Variants in AATK observed in about 807,000 individuals in gnomAD.
The protein encoded by AATK is lemur tail kinase 1.
AATK carries 91 observed loss-of-function variants against 114.3 expected under a neutral mutation model. That is an observed-to-expected ratio of 0.80 (90% CI 0.67 to 0.95). The LOEUF (loss-of-function observed/expected upper bound fraction) is 0.95, where lower values mean the gene tolerates loss of function less well. Among genes scored for constraint, AATK ranks in the 40% least tolerant of loss-of-function variants. The pLI is 0.00. For synonymous variants in AATK, 1,075 were observed against 916.5 expected (o/e 1.17, Z -3.12); for missense variants, 2,176 against 1,965.2 (o/e 1.11, Z -2.03).
Position 81,120,011 on chromosome 17 carries a change from T to TC in AATK, c.3807dup (p.Ser1270GlufsTer15). 1 of 1,446,388 alleles carries TC rather than the reference T, an allele frequency of 6.9e-7. No individual in the cohort carries two copies. Among genetic ancestry groups the TC allele is most frequent in the Non-Finnish European group, 9.1e-7 (1 of 1,099,312 alleles). The allele number at this position is 1,446,388 out of a possible 1,614,324, so 89.6% of individuals were successfully genotyped here. A position where few individuals can be genotyped will look rare whatever the true frequency, so the allele number is the denominator to read the frequency against. ...TTGGGGGCGCTGGGAGAGCCGGGGC[T>TC]CCCCCTAAGGAACGTAGGGGGCGAT... On this transcript the variant is annotated frameshift_variant, in exon 12 of 14. Coordinates refer to ENST00000326724, the MANE Select transcript of AATK (RefSeq NM_001080395.3). LOFTEE classifies it high-confidence loss of function.
Position 81,122,240 on chromosome 17 carries a change from C to G in AATK, c.1696G>C (p.Gly566Arg). 3 of 1,492,402 alleles carry G rather than the reference C, an allele frequency of 2.0e-6. No individual in the cohort carries two copies. The highest frequency in any genetic ancestry group is 2.5e-5 in the South Asian group (2 of 79,128). 92.4% of individuals were successfully genotyped at this position (1,492,402 alleles called of 1,614,324 possible). ...ATADQDDDSD[G>R]STAASLAMEP... Reference sequence around the variant, plus strand: ...ATGGCCAGCGAGGCGGCGGTGCTGCCGTCAGAGTCGTCGTCCTGGTCCGCG... The same window carrying G: ...ATGGCCAGCGAGGCGGCGGTGCTGCGGTCAGAGTCGTCGTCCTGGTCCGCG... The change falls in exon 11 of 14, where the codon GGC becomes CGC. Residue 566 changes from glycine to arginine, a missense_variant. Physicochemically the swap from Gly to Arg is moderately radical, Grantham distance 125. This residue lies in a region of AATK where 1,701 missense variants were observed against 1,394.7 expected (regional missense o/e 1.22). Transcript: ENST00000326724.
In AATK at chr17:81,121,225, T is replaced by C; in HGVS notation, c.2711A>G (p.Asp904Gly). The stretch of plus-strand genomic sequence containing the variant: ...GGCTGAGGACGGGATGTCCAGGGAG[T>C]CCAGGGAGTCGGGGGTCCCCACCTG... Reference protein sequence around the residue: ...QKQVGTPDSLDSLDIPSSASD... With the variant: ...QKQVGTPDSLGSLDIPSSASD... Residue 904 changes from aspartate (D) to glycine (G), a missense_variant, in exon 11 of 14, where the codon GAC becomes GGC. This residue lies in a region of AATK where 1,701 missense variants were observed against 1,394.7 expected (regional missense o/e 1.22). Transcript: ENST00000326724. The C allele has an allele frequency of 6.2e-7, 1 of 1,605,566 alleles. No individual in the cohort carries two copies. Among genetic ancestry groups the C allele is most frequent in the Non-Finnish European group, 8.5e-7 (1 of 1,176,614 alleles).
rs765906957 is a variant in AATK at position 81,121,058 on chromosome 17, G to A, written c.2878C>T (p.Pro960Ser). Residue 960 changes from proline to serine, a missense_variant, in exon 11 of 14, where the codon CCC becomes TCC. Around this residue, in one of 4 missense-constraint regions of AATK, gnomAD observed 1,701 missense variants for 1,394.7 expected, o/e 1.22. Coordinates refer to ENST00000326724, the MANE Select transcript of AATK (RefSeq NM_001080395.3). ...VLKEAQEGCE[P>S]QAFAELASEG... Reference sequence around the variant, plus strand: ...GAGGCCAGCTCCGCAAAGGCCTGGGGCTCACACCCTTCCTGCGCCTCCTTG... The same window carrying A: ...GAGGCCAGCTCCGCAAAGGCCTGGGACTCACACCCTTCCTGCGCCTCCTTG... 18 of 1,608,552 alleles carry A rather than the reference G, an allele frequency of 1.1e-5. No homozygotes were observed. The highest frequency in any genetic ancestry group is 2.2e-5 in the South Asian group (2 of 90,238).
rs1193881813 is a variant in AATK at position 81,122,080 on chromosome 17, A to G, written c.1856T>C (p.Leu619Pro). The G allele has an allele frequency of 9.5e-6, 15 of 1,584,428 alleles. No homozygotes were observed. Among genetic ancestry groups the G allele is most frequent in the Non-Finnish European group, 1.3e-5 (15 of 1,172,490 alleles). ...SPSPSAGPLSLAEGGAEDADW... is the reference protein window; with the variant it reads ...SPSPSAGPLSPAEGGAEDADW... Reference sequence around the variant, plus strand: ...TGCATCCTCCGCTCCTCCCTCCGCCAGACTCAGGGGCCCCGCCGAGGGCGA... The same window carrying G: ...TGCATCCTCCGCTCCTCCCTCCGCCGGACTCAGGGGCCCCGCCGAGGGCGA... The change falls in exon 11 of 14, where the codon CTG (leucine) becomes CCG (proline). Residue 619 changes from leucine (L) to proline (P), a missense_variant. Transcript: ENST00000326724.
chr17:81,148,211 G>A (rs1198799882), intron 1 of AATK, among the ~76,000 whole-genome samples: 2 of 152,136 alleles, frequency 1.3e-5, no homozygotes, highest in Admixed American at 1.3e-4. Flanking sequence ...ACTGCATTTA[G>A]AATCAGACGA....
At chr17:81,147,092 G>T (rs1009407397) in intron 1 of AATK, among the ~76,000 whole-genome samples, 27 of 151,622 alleles carry the variant, frequency 1.8e-4, no homozygotes, top group Non-Finnish European at 2.8e-4. Context: ...GCCAGGCCTG[G>T]TGGCTCCCGC....
intron 1 of AATK, among the ~76,000 whole-genome samples, chr17:81,163,840 G>A (rs1294974967): frequency 2.0e-5 from 3 of 152,230 alleles, no homozygotes; most frequent in African/African-American, 4.8e-5. Flanking sequence ...ACAAGGAGCC[G>A]GCCCGGCAGC....
In AATK at chr17:81,122,084, T is replaced by G. The variant is rs774288766; in HGVS notation, c.1852A>C (p.Ser618Arg). The G allele has an allele frequency of 7.0e-6, 11 of 1,580,976 alleles. No individual in the cohort carries two copies. The East Asian group carries it at 2.5e-4, about 36-fold the overall frequency. The change falls in exon 11 of 14, where the codon AGT (serine) becomes CGT (arginine). Residue 618 changes from serine to arginine, a missense_variant. By Grantham distance (110) the Ser-to-Arg change is moderately radical (BLOSUM62 -1). Transcript: ENST00000326724. The stretch of plus-strand genomic sequence containing the variant: ...TCCTCCGCTCCTCCCTCCGCCAGAC[T>G]CAGGGGCCCCGCCGAGGGCGAGGGA... ...RSPSPSAGPL[S>R]LAEGGAEDAD...
chr17:81,143,381 A>G (rs2061166226), intron 1 of AATK, among the ~76,000 whole-genome samples: 1 of 152,126 alleles, frequency 6.6e-6, no homozygotes, highest in Non-Finnish European at 1.5e-5. Context: ...GGTCAAAGCC[A>G]AGAGCTAGTA....
chr17:81,136,695 C>T (rs2061015461), intron 1 of AATK, among the ~76,000 whole-genome samples: 1 of 152,186 alleles, frequency 6.6e-6, no homozygotes, highest in South Asian at 2.1e-4. Context: ...CAGTGGAGGG[C>T]AGAGGTGGGC....
In AATK at chr17:81,126,648, C is replaced by T; in HGVS notation, c.622-88G>A. ...CCACCTACCTCCCCAACTCCTCCAC[C>T]CCTACCCACAGCTGAGGGACAGCAG... On this transcript the variant is annotated intron_variant, in intron 6 of 13. Transcript: ENST00000326724. The surrounding 1 kb of genome is among the most constrained non-coding windows in gnomAD (Gnocchi z 5.1). 1 of 1,478,214 alleles carries T rather than the reference C, an allele frequency of 6.8e-7. No individual in the cohort carries two copies. Among genetic ancestry groups the T allele is most frequent in the Non-Finnish European group, 9.0e-7 (1 of 1,108,288 alleles). 91.6% of individuals were successfully genotyped at this position (1,478,214 alleles called of 1,614,324 possible).
At chr17:81,140,653 G>GGGGACCATGGGGCCGT (rs1555596755) in intron 1 of AATK, among the ~76,000 whole-genome samples, 42 of 98,326 alleles carry the variant, frequency 4.3e-4, no homozygotes, top group South Asian at 1.1e-3. Flanking sequence ...CGTGGGGCCG[G>GGGGACCATGGGGCCGT]GGGACCGTGG....
chr17:81,133,889 C>T lies in AATK; in HGVS notation c.189+479G>A, dbSNP rs567368761. On this transcript the variant is annotated intron_variant, in intron 2 of 13. Coordinates refer to ENST00000326724, the MANE Select transcript of AATK (RefSeq NM_001080395.3). ...GCAGAAGATACCCCGCGCAAGGTGA[C>T]TCCAACTGGCAAGAAGGTCCCTGTG... Among the ~76,000 whole-genome samples the T allele has an allele frequency of 2.7e-4, 41 of 152,324 alleles. No individual in the cohort carries two copies. The South Asian group carries it at 8.1e-3, about 30-fold the overall frequency.
rs997018385 is a variant in AATK at position 81,118,190 on chromosome 17, G to A, written c.*212C>T. The A allele has an allele frequency of 9.2e-5, 53 of 578,256 alleles. No homozygotes were observed. Among genetic ancestry groups the A allele is most frequent in the South Asian group, 5.9e-4 (27 of 45,586 alleles). 35.8% of individuals were successfully genotyped at this position (578,256 alleles called of 1,614,324 possible). A position where few individuals can be genotyped will look rare whatever the true frequency, so the allele number is the denominator to read the frequency against. On this transcript the variant is annotated 3_prime_UTR_variant, in exon 14 of 14. Transcript: ENST00000326724. ...TAGCAGCAAGCCTAAAAGCCCAGAC[G>A]AATTCTGCCTCTGGGGCGGAGCATG...
At chr17:81,127,747 G>T in intron 5 of AATK, 45 bp downstream of exon 5, 1 of 1,509,916 alleles carries the variant, frequency 6.6e-7, no homozygotes, top group Non-Finnish European at 9.0e-7. Context: ...GGAGGGAGAG[G>T]AGGGGGCCGC....
At position 81,122,484 on chromosome 17, in the gene AATK, G is replaced by T; in HGVS notation, c.1452C>A (p.Gly484=). The T allele has an allele frequency of 6.9e-7, 1 of 1,457,004 alleles. No individual in the cohort carries two copies. Among genetic ancestry groups the T allele is most frequent in the Non-Finnish European group, 9.1e-7 (1 of 1,099,958 alleles). The allele number at this position is 1,457,004 out of a possible 1,614,324, so 90.3% of individuals were successfully genotyped here. A position where few individuals can be genotyped will look rare whatever the true frequency, so the allele number is the denominator to read the frequency against. The change falls in exon 11 of 14, where the codon GGC becomes GGA. Residue 484 remains glycine, a synonymous_variant. Transcript: ENST00000326724. Reference sequence around the variant, plus strand: ...TGGCCGGGAAGGCCTCCGCGCCGCGGCCCGCCTCCCACTTGTACTCAAAAT... The same window carrying T: ...TGGCCGGGAAGGCCTCCGCGCCGCGTCCCGCCTCCCACTTGTACTCAAAAT... The part of the protein sequence containing the change: ...GLNFEYKWEA[G]RGAEAFPATL...
rs1029159561 is a variant in AATK at position 81,166,201 on chromosome 17, G to C, written c.-209C>G. 6.4e-6 allele frequency: 1 copy of C among 155,272 alleles called. No homozygotes were observed. The highest frequency in any genetic ancestry group is 1.3e-5 in the Non-Finnish European group (1 of 76,476). The allele number at this position is 155,272 out of a possible 1,614,324, so 9.6% of individuals were successfully genotyped here. ...GCGCTCCGCCCGGCCCTGGCGCCGC[G>C]GGGCTCCGCTGGTGCAGTCCGAAAA... On this transcript the variant is annotated 5_prime_UTR_variant, in exon 1 of 14. Coordinates refer to ENST00000326724, the MANE Select transcript of AATK (RefSeq NM_001080395.3).
In AATK at chr17:81,143,200, C is replaced by T. The variant is rs118185172; in HGVS notation, c.56-8699G>A. Among the ~76,000 whole-genome samples, 384 of 152,070 alleles carry T rather than the reference C, an allele frequency of 2.5e-3. 18 individuals carry two copies. In the East Asian group the frequency reaches 0.06, roughly 24 times the overall value. On this transcript the variant is annotated intron_variant, in intron 1 of 13. Transcript: ENST00000326724. ...CCTTGGCCACACCTGGCTCGATGAG[C>T]CCCCACCCCCGCAACGTGCACACGT...
rs1471199490 is a variant in AATK, at chr17:81,120,972, C to T, written c.2964G>A (p.Glu988=). 1 of 1,610,058 alleles carries T rather than the reference C, an allele frequency of 6.2e-7. No individual in the cohort carries two copies. Among genetic ancestry groups the T allele is most frequent in the South Asian group, 1.1e-5 (1 of 90,322 alleles). Residue 988 remains glutamate, a synonymous_variant, in exon 11 of 14, where the codon GAG becomes GAA. Transcript: ENST00000326724. ...AGGCAGAGTCTCGGTAGGGATTCTT[C>T]TCGTTGAGGCCACTGAGGGAGGTGG... ...RLSTSLSGLN[E]KNPYRDSAYF...
Sources: gnomAD v4.1 joint callset for allele counts (sites outside exome capture counted in the v4.1 genomes callset) on GRCh38, gnomAD v4.1.1 for gene constraint, gnomAD v4.1.1 regional missense constraint, Gnocchi (gnomAD v3.1) non-coding constraint, MANE v1.5 for transcripts, NCBI Gene and HGNC (gene_info 2026-07-23, HGNC 2026-07-21) for gene names.